Variants in MAGI3 observed in about 807,000 individuals in gnomAD.
MAGI3 encodes membrane associated guanylate kinase, WW and PDZ domain containing 3.
A neutral mutation model predicts 121.8 loss-of-function variants in MAGI3; 43 were observed. The observed-to-expected ratio is 0.35, with a 90% confidence interval of 0.28 to 0.46. The LOEUF is 0.46. Among genes scored for constraint, MAGI3 ranks in the 20% least tolerant of loss-of-function variants. The pLI, the probability that MAGI3 is intolerant of heterozygous loss-of-function variation, is 1.00. For missense variants in MAGI3, 1,547 were observed against 1,797.3 expected (o/e 0.86, Z 2.52); for synonymous variants, 553 against 639.3 (o/e 0.86, Z 2.04).
At chr1:113,668,603 T>C (rs1249354643) in intron 16 of MAGI3, among the ~76,000 whole-genome samples, 4 of 116,684 alleles carry the variant, frequency 3.4e-5, no homozygotes, top group Non-Finnish European at 6.6e-5. Context: ...TGAGACGGAG[T>C]CTCGCTCTGT....
intron 12 of MAGI3, among the ~76,000 whole-genome samples, chr1:113,648,634 A>G (rs1298819516): frequency 5.9e-5 from 9 of 151,826 alleles, no homozygotes; most frequent in Non-Finnish European, 1.3e-4. Context: ...ACCACTTGCT[A>G]TGTGACAATG....
At chr1:113,613,255 G>A (rs1004359254) in intron 6 of MAGI3, among the ~76,000 whole-genome samples, 1 of 151,922 alleles carries the variant, frequency 6.6e-6, no homozygotes, top group Admixed American at 6.6e-5. Flanking sequence ...TATTTCATTT[G>A]TTCTCATCTT....
rs1461918086 is a variant in MAGI3, at chr1:113,622,837, A to G, written c.1203A>G (p.Pro401=). 3 of 1,591,516 alleles carry G rather than the reference A, an allele frequency of 1.9e-6. No homozygotes were observed. The highest frequency in any genetic ancestry group is 2.6e-6 in the Non-Finnish European group (3 of 1,173,016). Residue 401 remains proline (P), a synonymous_variant, in exon 9 of 21, where the codon CCA becomes CCG. Transcript: ENST00000307546. Reference sequence around the variant, plus strand: ...AAAAATCACACTTCACAAGAGATCCATCCCAGCTTAAAGGTGTCCTTGTTC... The same window carrying G: ...AAAAATCACACTTCACAAGAGATCCGTCCCAGCTTAAAGGTGTCCTTGTTC... ...DMEKSHFTRD[P]SQLKGVLVRA... is the part of the protein sequence containing the mutation.
Position 113,672,759 on chromosome 1 carries a change from C to A in MAGI3, c.3045+18C>A. 6.2e-7 allele frequency: 1 copy of A among 1,602,676 alleles called. No homozygotes were observed. The highest frequency in any genetic ancestry group is 8.5e-7 in the Non-Finnish European group (1 of 1,175,534). ...ACAATCAGGTAAACAAACATTTCCC[C>A]AGATGGGGAGTGATATTTTGAGTTG... On this transcript the variant is annotated intron_variant, in intron 18 of 20. Transcript: ENST00000307546.
At chr1:113,426,956 A>ATC (rs1653039223) in intron 1 of MAGI3, among the ~76,000 whole-genome samples, 1 of 150,094 alleles carries the variant, frequency 6.7e-6, no homozygotes, top group African/African-American at 2.4e-5. Context: ...GTATCTATCT[A>ATC]TATATATATA....
At chr1:113,544,415 C>T (rs757459206) in intron 1 of MAGI3, among the ~76,000 whole-genome samples, 1 of 152,166 alleles carries the variant, frequency 6.6e-6, no homozygotes, top group Non-Finnish European at 1.5e-5. Context: ...CATGGTTATG[C>T]CCATCCTTTG....
intron 7 of MAGI3, 103 bp downstream of exon 7, chr1:113,614,761 G>A (rs1336578535): frequency 5.1e-6 from 4 of 778,472 alleles, no homozygotes; most frequent in Non-Finnish European, 8.0e-6. Context: ...TGATCCAGCT[G>A]TTGAGTTTTT....
At chr1:113,437,874 T>TCTTCTTCTTCTTCTTCCTCTTCCTCTC (rs1653687377) in intron 1 of MAGI3, among the ~76,000 whole-genome samples, 1 of 29,398 alleles carries the variant, frequency 3.4e-5, no homozygotes, top group Non-Finnish European at 5.7e-5. Context: ...CTCTTCTTCT[T>TCTTCTTCTTCTTCTTCCTCTTCCTCTC]CTTCTCCTTC....
chr1:113,544,678 A>G (rs903050422), intron 1 of MAGI3, among the ~76,000 whole-genome samples: 1 of 152,232 alleles, frequency 6.6e-6, no homozygotes, highest in Non-Finnish European at 1.5e-5. Flanking sequence ...AAAATTTAAA[A>G]GGAACTAAGA....
At chr1:113,587,700 G>T (rs1648461577) in intron 4 of MAGI3, among the ~76,000 whole-genome samples, 1 of 152,082 alleles carries the variant, frequency 6.6e-6, no homozygotes. Context: ...CTAAGAAATG[G>T]TTTTATATAA....
In MAGI3 at chr1:113,620,331, A is replaced by G. The variant is rs188498824; in HGVS notation, c.1171+501A>G. The stretch of plus-strand genomic sequence containing the variant: ...ATTTAGGGAGCATTTTTTTAAAAAT[A>G]TAGATCCAGAAATTTCGATGAGTCT... On this transcript the variant is annotated intron_variant, in intron 8 of 20. Coordinates refer to ENST00000307546, the MANE Select transcript of MAGI3 (RefSeq NM_001142782.2). Among the ~76,000 whole-genome samples the G allele has an allele frequency of 6.0e-3, 921 of 152,292 alleles. 7 individuals are homozygous for G. The highest frequency in any genetic ancestry group is 0.021 in the African/African-American group (872 of 41,572).
intron 1 of MAGI3, among the ~76,000 whole-genome samples, chr1:113,414,461 C>A (rs966328849): frequency 6.6e-6 from 1 of 152,066 alleles, no homozygotes; most frequent in African/African-American, 2.4e-5. Context: ...GGTATTAGCT[C>A]CTCTTTGTAC....
Position 113,530,555 on chromosome 1 carries a change from C to G in MAGI3, c.317-18960C>G, listed in dbSNP as rs140225166. Among the ~76,000 whole-genome samples, 4 of 151,608 alleles carry G rather than the reference C, an allele frequency of 2.6e-5. No homozygotes were observed. In the East Asian group the frequency reaches 7.8e-4, roughly 29 times the overall value. ...GTACACCAAGCCCCCATGACACGCACTTATATAACAATACTGCACATGTAC... is the reference window on the plus strand; with the variant it reads ...GTACACCAAGCCCCCATGACACGCAGTTATATAACAATACTGCACATGTAC... On this transcript the variant is annotated intron_variant, in intron 1 of 20. Transcript: ENST00000307546.
chr1:113,538,969 A>G (rs551174158), intron 1 of MAGI3, among the ~76,000 whole-genome samples: 1 of 152,320 alleles, frequency 6.6e-6, no homozygotes, highest in East Asian at 1.9e-4. Context: ...TCCATTAATG[A>G]CATTTAAAGG....
intron 1 of MAGI3, among the ~76,000 whole-genome samples, chr1:113,546,534 A>G (rs535227729): frequency 1.3e-5 from 2 of 151,936 alleles, no homozygotes; most frequent in East Asian, 3.9e-4. Context: ...ATGGGGTTTA[A>G]TCATGTTGGC....
intron 3 of MAGI3, among the ~76,000 whole-genome samples, chr1:113,583,245 A>G (rs1025188945): frequency 6.6e-6 from 1 of 151,936 alleles, no homozygotes; most frequent in East Asian, 1.9e-4. Flanking sequence ...TGCTGCACCC[A>G]TTAACTCATC....
intron 1 of MAGI3, among the ~76,000 whole-genome samples, chr1:113,437,895 T>TC (rs1653698980): frequency 8.4e-5 from 1 of 11,838 alleles, no homozygotes; most frequent in Non-Finnish European, 1.5e-4. Context: ...TCCTTCTCCT[T>TC]CTCCTTCTCC....
At chr1:113,681,477 A>C (rs1418502020) in intron 20 of MAGI3, 141 bp downstream of exon 20, 5 of 864,012 alleles carry the variant, frequency 5.8e-6, no homozygotes, top group Non-Finnish European at 8.4e-6. Flanking sequence ...AGCTAGTTAC[A>C]TAGCAGAGTT....
At chr1:113,560,465 A>T (rs1294380577) in intron 2 of MAGI3, among the ~76,000 whole-genome samples, 4 of 152,122 alleles carry the variant, frequency 2.6e-5, no homozygotes, top group Admixed American at 2.6e-4. Context: ...AAAGAAGTTC[A>T]CTTAAAACCA....
Sources: gnomAD v4.1 joint callset for allele counts (sites outside exome capture counted in the v4.1 genomes callset) on GRCh38, gnomAD v4.1.1 for gene constraint, MANE v1.5 for transcripts, NCBI Gene and HGNC (gene_info 2026-07-23, HGNC 2026-07-21) for gene names.